The following GRIK1 variants were observed in gnomAD, a reference collection of about 807,000 sequenced individuals.
GRIK1 encodes glutamate ionotropic receptor kainate type subunit 1, also known as glutamate receptor ionotropic, kainate 1.
A neutral mutation model predicts 105.7 loss-of-function variants in GRIK1; 69 were observed. The observed-to-expected ratio is 0.65, with a 90% confidence interval of 0.54 to 0.80. GRIK1 has a LOEUF of 0.80. GRIK1 is among the 30% of genes least tolerant of loss of function. The pLI is 0.00. For missense variants in GRIK1, 1,109 were observed against 1,167.3 expected, an observed-to-expected ratio of 0.95 and a Z score of 0.73; for synonymous variants, 438 against 431.3, an observed-to-expected ratio of 1.02 and a Z score of -0.19.
chr21:29,558,222 G>C (rs2090304570), intron 15 of GRIK1, among the ~76,000 whole-genome samples: 1 of 152,106 alleles, frequency 6.6e-6, no homozygotes, highest in Non-Finnish European at 1.5e-5. Context: ...CCATAAGGGA[G>C]TTAGTCAGGG....
chr21:29,819,962 G>A (rs1007194780), intron 1 of GRIK1, among the ~76,000 whole-genome samples: 1 of 151,958 alleles, frequency 6.6e-6, no homozygotes, highest in Non-Finnish European at 1.5e-5. Context: ...CTGAAGCAGA[G>A]GCTAGGCGTT....
chr21:29,924,121 C>T (rs527952960), intron 1 of GRIK1, among the ~76,000 whole-genome samples: 5 of 152,012 alleles, frequency 3.3e-5, no homozygotes, highest in South Asian at 2.1e-4. Flanking sequence ...GAGTGGATCA[C>T]GAGGTCAGGA....
chr21:29,652,670 T>TA (rs2062762556), intron 5 of GRIK1, among the ~76,000 whole-genome samples: 2 of 152,354 alleles, frequency 1.3e-5, no homozygotes, highest in South Asian at 4.1e-4. Context: ...AGACTAGATT[T>TA]AAAAATACAT....
At chr21:29,863,601 A>G (rs2068714653) in intron 1 of GRIK1, among the ~76,000 whole-genome samples, 1 of 152,098 alleles carries the variant, frequency 6.6e-6, no homozygotes. Context: ...GCAAAAGGAG[A>G]ATTTAGCTCA....
rs140462146 is a variant in GRIK1 at position 29,659,833 on chromosome 21, G to A, written c.727-4970C>T. 3.2e-3 allele frequency among the ~76,000 whole-genome samples: 488 copies of A among 152,130 alleles called. 4 individuals carry two copies. Among genetic ancestry groups the A allele is most frequent in the African/African-American group, 0.011 (465 of 41,506 alleles). ...AAAAATTAGTCGGCAGTGGTGGTGC[G>A]TGCCTGTAATCCCAGCTACTCGGGA... On this transcript the variant is annotated intron_variant, in intron 4 of 17. Coordinates refer to ENST00000327783, the MANE Select transcript of GRIK1 (RefSeq NM_001330994.2).
In GRIK1 at chr21:29,581,417, C is replaced by A. The variant is rs200516350; in HGVS notation, c.1912+8G>T. The A allele has an allele frequency of 1.3e-6, 2 of 1,524,122 alleles. No individual in the cohort carries two copies. Among genetic ancestry groups the A allele is most frequent in the Non-Finnish European group, 1.8e-6 (2 of 1,098,556 alleles). The allele number at this position is 1,524,122 out of a possible 1,614,324, so 94.4% of individuals were successfully genotyped here. ...GATGCGTGTGACAAAGATAGGCAACCGGTGTACCTTGCTGCATGAGAGCTC... is the reference window on the plus strand; with the variant it reads ...GATGCGTGTGACAAAGATAGGCAACAGGTGTACCTTGCTGCATGAGAGCTC... On this transcript the variant is annotated splice_region_variant and intron_variant, in intron 13 of 17. Coordinates refer to ENST00000327783, the MANE Select transcript of GRIK1 (RefSeq NM_001330994.2).
chr21:29,742,308 C>A (rs891303657), intron 1 of GRIK1, among the ~76,000 whole-genome samples: 1 of 152,108 alleles, frequency 6.6e-6, no homozygotes, highest in Non-Finnish European at 1.5e-5. Context: ...ATTAGAAATA[C>A]ATTAAATGCA....
At chr21:29,707,305 T>A (rs1421358873) in intron 1 of GRIK1, among the ~76,000 whole-genome samples, 1 of 152,164 alleles carries the variant, frequency 6.6e-6, no homozygotes, top group Non-Finnish European at 1.5e-5. Flanking sequence ...GACACAACCA[T>A]AACACTGTGA....
intron 1 of GRIK1, among the ~76,000 whole-genome samples, chr21:29,769,026 A>C (rs2065745489): frequency 6.6e-6 from 1 of 152,102 alleles, no homozygotes; most frequent in African/African-American, 2.4e-5. Context: ...TTGTTCTTTA[A>C]ATTTTTTTTC....
chr21:29,659,764 C>T (rs2062926027), intron 4 of GRIK1, among the ~76,000 whole-genome samples: 1 of 152,132 alleles, frequency 6.6e-6, no homozygotes, highest in African/African-American at 2.4e-5. Flanking sequence ...AGTTCAAGAT[C>T]AGCCTGACCA....
intron 1 of GRIK1, among the ~76,000 whole-genome samples, chr21:29,833,971 A>G (rs2067711130): frequency 1.3e-5 from 2 of 152,216 alleles, no homozygotes; most frequent in Non-Finnish European, 2.9e-5. Context: ...AATTTTATGT[A>G]TAAAATTAAT....
intron 1 of GRIK1, chr21:29,759,132 T>G (rs2065437576): frequency 6.6e-6 from 1 of 151,848 alleles, no homozygotes; most frequent in African/African-American, 2.4e-5. Context: ...TTTTCTTTTT[T>G]TTTTGAGATT....
rs1476119707 is a variant in GRIK1, at chr21:29,567,548, T to C, written c.2131-5699A>G. On this transcript the variant is annotated intron_variant, in intron 14 of 17. Coordinates refer to ENST00000327783, the MANE Select transcript of GRIK1 (RefSeq NM_001330994.2). ...AAATAAGTTATTGATATTTGATCTT[T>C]TTATCTTATCAAAAGTGATCTTATA... 2.0e-5 allele frequency among the ~76,000 whole-genome samples: 3 copies of C among 152,178 alleles called. No homozygotes were observed. The East Asian group carries it at 5.8e-4, about 29-fold the overall frequency.
At chr21:29,553,032 A>T (rs919288296) in intron 16 of GRIK1, among the ~76,000 whole-genome samples, 3 of 152,066 alleles carry the variant, frequency 2.0e-5, no homozygotes, top group African/African-American at 7.2e-5. Flanking sequence ...TAAATCGTGG[A>T]ATCAGTTTCA....
intron 1 of GRIK1, among the ~76,000 whole-genome samples, chr21:29,809,489 C>T (rs755475274): frequency 3.9e-5 from 6 of 152,178 alleles, no homozygotes; most frequent in South Asian, 2.1e-4. Flanking sequence ...GGTTTTGCCT[C>T]GTTATTGATG....
chr21:29,923,895 C>T (rs1383939521), intron 1 of GRIK1, among the ~76,000 whole-genome samples: 2 of 152,066 alleles, frequency 1.3e-5, no homozygotes, highest in Non-Finnish European at 2.9e-5. Context: ...TTATTACTGA[C>T]CAGACCAAGA....
intron 7 of GRIK1, among the ~76,000 whole-genome samples, chr21:29,624,153 T>C (rs1360589610): frequency 6.6e-6 from 1 of 152,178 alleles, no homozygotes; most frequent in Non-Finnish European, 1.5e-5. Flanking sequence ...ATTGAAATTG[T>C]CCTCTAAAAT....
intron 1 of GRIK1, among the ~76,000 whole-genome samples, chr21:29,775,669 T>C (rs1217251837): frequency 6.6e-6 from 1 of 152,180 alleles, no homozygotes; most frequent in Non-Finnish European, 1.5e-5. Flanking sequence ...CTGTGTGCTA[T>C]TTTGCTGTTA....
intron 1 of GRIK1, among the ~76,000 whole-genome samples, chr21:29,704,923 A>T (rs1389667456): frequency 1.3e-5 from 2 of 151,994 alleles, no homozygotes; most frequent in East Asian, 3.9e-4. Context: ...TTCTTATGAA[A>T]CTCTGTGATC....
Sources: allele counts gnomAD v4.1 joint callset (sites outside exome capture counted in the v4.1 genomes callset), GRCh38; gene constraint gnomAD v4.1.1; transcripts MANE v1.5; gene names NCBI Gene and HGNC (gene_info 2026-07-23, HGNC 2026-07-21).